The following WNT7B variants were observed in gnomAD, a reference collection of about 807,000 sequenced individuals.
WNT7B encodes the protein Wnt family member 7B.
Under a neutral mutation model 38.2 loss-of-function variants are expected in WNT7B, and 19 were observed. That is an observed-to-expected ratio of 0.50 (90% CI 0.35 to 0.73). The LOEUF (loss-of-function observed/expected upper bound fraction) is 0.73, where lower values mean the gene tolerates loss of function less well. Ranked by LOEUF, WNT7B falls within the 30% of genes least tolerant of loss-of-function variation. WNT7B has a pLI of 0.01. For missense variants in WNT7B, 423 were observed against 507.9 expected (o/e 0.83, Z 1.61); for synonymous variants, 243 against 209.3 (o/e 1.16, Z -1.39).
intron 2 of WNT7B, among the ~76,000 whole-genome samples, chr22:45,936,916 C>T (rs893187620): frequency 6.6e-6 from 1 of 152,218 alleles, no homozygotes; most frequent in African/African-American, 2.4e-5. Flanking sequence ...CCCTCCCAGC[C>T]GCAGCTGCCA....
chr22:45,926,518 G>A lies in WNT7B; in HGVS notation c.571-3183C>T, dbSNP rs1031130730. 5.1e-6 allele frequency: 5 copies of A among 985,310 alleles called. No individual in the cohort carries two copies. In the African/African-American group the frequency reaches 8.7e-5, roughly 17 times the overall value. 61.0% of individuals were successfully genotyped at this position (985,310 alleles called of 1,614,324 possible). ...AGCCAGGCAGGGGAGTCATGGGGTT[G>A]GTGGACTAAAGTCCTTCCAGGGCGA... is the stretch of plus-strand genomic sequence containing the variant. On this transcript the variant is annotated intron_variant, in intron 3 of 3. Transcript: ENST00000339464.
At chr22:45,959,974 C>T (rs560220421) in intron 1 of WNT7B, among the ~76,000 whole-genome samples, 61 of 152,306 alleles carry the variant, frequency 4.0e-4, no homozygotes, top group Non-Finnish European at 3.4e-4. Flanking sequence ...TGCCCTCCCC[C>T]GCAGATAACA....
At chr22:45,968,631 C>T (rs565441955) in intron 1 of WNT7B, among the ~76,000 whole-genome samples, 8 of 152,342 alleles carry the variant, frequency 5.3e-5, no homozygotes, top group East Asian at 1.9e-4. Flanking sequence ...TGCACACAGA[C>T]GGTCCAGGAT....
chr22:45,950,186 G>C, intron 1 of WNT7B, 40 bp from the exon 2 acceptor site: 1 of 1,564,358 alleles, frequency 6.4e-7, no homozygotes, highest in Non-Finnish European at 8.7e-7. Context: ...GACGGCGGCG[G>C]CCAGCGCCCC....
chr22:45,931,796 A>T (rs1275396269), intron 2 of WNT7B, among the ~76,000 whole-genome samples: 1 of 151,876 alleles, frequency 6.6e-6, no homozygotes, highest in Non-Finnish European at 1.5e-5. Flanking sequence ...CCAGCCTCCC[A>T]GGAGCCCCTC....
chr22:45,927,107 T>C (rs1377760839), intron 3 of WNT7B: 1 of 984,558 alleles, frequency 1.0e-6, no homozygotes, highest in East Asian at 1.1e-4. Context: ...ATCTCTTGCC[T>C]TCACTGGGTT....
intron 1 of WNT7B, among the ~76,000 whole-genome samples, chr22:45,954,200 G>C (rs1932006091): frequency 6.6e-6 from 1 of 151,056 alleles, no homozygotes; most frequent in Non-Finnish European, 1.5e-5. Flanking sequence ...GAAACGTCCG[G>C]AATAGGCAAA....
At chr22:45,947,239 T>C (rs529709370) in intron 2 of WNT7B, among the ~76,000 whole-genome samples, 89 of 152,350 alleles carry the variant, frequency 5.8e-4, no homozygotes, top group Non-Finnish European at 1.0e-3. Flanking sequence ...GCTACTGAGA[T>C]TCCCGGCTAA....
At chr22:45,950,302 C>T (rs556853396) in intron 1 of WNT7B, among the ~76,000 whole-genome samples, 156 bp from the exon 2 acceptor site, 1 of 152,372 alleles carries the variant, frequency 6.6e-6, no homozygotes, top group South Asian at 2.1e-4. Context: ...GGGGCTGTTT[C>T]CCATCAACTC....
chr22:45,949,682 C>T (rs937860405), intron 2 of WNT7B, among the ~76,000 whole-genome samples: 1 of 152,246 alleles, frequency 6.6e-6, no homozygotes, highest in Non-Finnish European at 1.5e-5. Flanking sequence ...CCTCCAGCCC[C>T]GAGCAAGGAC....
At chr22:45,934,825 C>A (rs986591134) in intron 2 of WNT7B, among the ~76,000 whole-genome samples, 4 of 152,266 alleles carry the variant, frequency 2.6e-5, no homozygotes, top group African/African-American at 9.6e-5. Context: ...TCTGGTCTCT[C>A]GTCATGGAGA....
At chr22:45,928,638 C>CCCAAGGGCCAGTCCTGCCTCT (rs879933773) in intron 3 of WNT7B, among the ~76,000 whole-genome samples, 2 of 152,158 alleles carry the variant, frequency 1.3e-5, no homozygotes, top group Non-Finnish European at 2.9e-5. Context: ...CTCCTGTCTC[C>CCCAAGGGCCAGTCCTGCCTCT]ATTTCCCTTC....
At chr22:45,929,491 C>CCCATCTGTACAG (rs138747251) in intron 3 of WNT7B, among the ~76,000 whole-genome samples, 1 of 73,166 alleles carries the variant, frequency 1.4e-5, no homozygotes, top group African/African-American at 4.2e-5. Context: ...TGTACATCCA[C>CCCATCTGTACAG]CCACCCACCC....
intron 2 of WNT7B, among the ~76,000 whole-genome samples, chr22:45,940,760 G>C (rs1406874694): frequency 6.6e-6 from 1 of 152,238 alleles, no homozygotes; most frequent in Non-Finnish European, 1.5e-5. Flanking sequence ...CTGGGGTGCA[G>C]GGTGGCCAAT....
chr22:45,962,376 C>A (rs1453408484), intron 1 of WNT7B, among the ~76,000 whole-genome samples: 1 of 152,208 alleles, frequency 6.6e-6, no homozygotes, highest in Non-Finnish European at 1.5e-5. Context: ...GACTTCAGAA[C>A]CTTCCAGATC....
intron 2 of WNT7B, among the ~76,000 whole-genome samples, chr22:45,942,531 G>A (rs923172892): frequency 6.6e-6 from 1 of 152,240 alleles, no homozygotes; most frequent in Non-Finnish European, 1.5e-5. Flanking sequence ...TGCAGTTGAA[G>A]GATCAGAAGC....
At chr22:45,938,618 A>G (rs1931569558) in intron 2 of WNT7B, among the ~76,000 whole-genome samples, 1 of 152,130 alleles carries the variant, frequency 6.6e-6, no homozygotes, top group Non-Finnish European at 1.5e-5. Context: ...GGCCTGGGCA[A>G]CAAAGCAAGA....
chr22:45,926,371 C>T (rs1013394803), intron 3 of WNT7B: 155 of 985,226 alleles, frequency 1.6e-4, no homozygotes, highest in East Asian at 2.3e-4. Context: ...GGTTCCTCCT[C>T]GACGCTGGGG....
chr22:45,926,427 G>C, intron 3 of WNT7B: 1 of 985,382 alleles, frequency 1.0e-6, no homozygotes, highest in Non-Finnish European at 1.2e-6. Flanking sequence ...CTCCAGGAAA[G>C]GGCCAATTCA....
Sources: gnomAD v4.1 joint callset for allele counts (sites outside exome capture counted in the v4.1 genomes callset) on GRCh38, gnomAD v4.1.1 for gene constraint, MANE v1.5 for transcripts, NCBI Gene and HGNC (gene_info 2026-07-23, HGNC 2026-07-21) for gene names.